ITPR1: variants seen among roughly 807,000 people sequenced by gnomAD.
ITPR1 encodes inositol 1,4,5-trisphosphate-gated calcium channel ITPR1.
In ITPR1, 96 loss-of-function variants were observed where a neutral mutation model predicts 318.4. That is an observed-to-expected ratio of 0.30 (90% CI 0.26 to 0.36). The LOEUF (loss-of-function observed/expected upper bound fraction) is 0.36. Ranked by LOEUF, ITPR1 falls within the 10% of genes least tolerant of loss-of-function variation. The probability of loss-of-function intolerance (pLI) is 1.00; values close to 1 mark genes in which losing one functional copy is unlikely to be tolerated. For missense variants in ITPR1, 2,440 were observed against 3,460.2 expected, an observed-to-expected ratio of 0.71 and a Z score of 7.40; for synonymous variants, 1,312 against 1,289.9, an observed-to-expected ratio of 1.02 and a Z score of -0.37.
chr3:4,806,068 C>T (rs375776534), intron 54 of ITPR1, 35 bp from the exon 55 acceptor site: 1 of 1,585,062 alleles, frequency 6.3e-7, no homozygotes, highest in African/African-American at 1.3e-5. Context: ...TTGGCACAGT[C>T]CGTGCCATCT....
chr3:4,837,014 G>A (rs2050972481), intron 61 of ITPR1, 79 bp downstream of exon 61: 1 of 1,282,864 alleles, frequency 7.8e-7, no homozygotes. Flanking sequence ...CAAATCTGAT[G>A]AGGAAAATCA....
At chr3:4,494,943 G>A (rs1218252937) in intron 2 of ITPR1, among the ~76,000 whole-genome samples, 1 of 152,172 alleles carries the variant, frequency 6.6e-6, no homozygotes, top group Non-Finnish European at 1.5e-5. Context: ...AGGTTGGATT[G>A]CAAGAAATGA....
At position 4,676,886 on chromosome 3, in the gene ITPR1, A is replaced by G. The variant is rs1184036341; in HGVS notation, c.2967+85A>G. The G allele has an allele frequency of 1.5e-5, 16 of 1,067,674 alleles. No homozygotes were observed. The East Asian group carries it at 3.4e-4, about 22-fold the overall frequency. 66.1% of individuals were successfully genotyped at this position (1,067,674 alleles called of 1,614,324 possible). On this transcript the variant is annotated intron_variant, in intron 24 of 61. Transcript: ENST00000649015. ...AGTCCCTCTGTTCTGATGGAGCCCA[A>G]GGCTTTCTGGGAAGAAAATGGGGGC...
At chr3:4,669,547 G>T in intron 18 of ITPR1, 107 bp from the exon 19 acceptor site, 1 of 1,068,024 alleles carries the variant, frequency 9.4e-7, no homozygotes, top group Non-Finnish European at 1.3e-6. Flanking sequence ...CTGCTGACAT[G>T]TCTTGGTAAA....
chr3:4,842,341 G>A (rs2051410009), intron 61 of ITPR1, among the ~76,000 whole-genome samples: 1 of 152,166 alleles, frequency 6.6e-6, no homozygotes, highest in East Asian at 1.9e-4. Context: ...TAGCTACATG[G>A]GAATTTTGAG....
At chr3:4,768,476 T>A in intron 45 of ITPR1, 35 bp from the exon 46 acceptor site, 1 of 1,571,366 alleles carries the variant, frequency 6.4e-7, no homozygotes. Flanking sequence ...CCATGAGGAC[T>A]CTGCAGCCTT....
At chr3:4,762,466 C>T (rs1220290750) in intron 44 of ITPR1, among the ~76,000 whole-genome samples, 2 of 152,166 alleles carry the variant, frequency 1.3e-5, no homozygotes, top group East Asian at 1.9e-4. Flanking sequence ...AGATCCAGGC[C>T]TTTCTGACTC....
At chr3:4,516,018 T>C (rs1403123641) in intron 2 of ITPR1, among the ~76,000 whole-genome samples, 1 of 152,272 alleles carries the variant, frequency 6.6e-6, no homozygotes. Context: ...CCAGGCACTG[T>C]GGCCTTGCCA....
chr3:4,836,588 G>T (rs926900891), intron 60 of ITPR1, among the ~76,000 whole-genome samples, 186 bp from the exon 61 acceptor site: 8 of 151,900 alleles, frequency 5.3e-5, no homozygotes, highest in Non-Finnish European at 1.0e-4. Flanking sequence ...GAGTTCCATT[G>T]TATGCAATTA....
chr3:4,592,432 G>A (rs1157674408), intron 4 of ITPR1, among the ~76,000 whole-genome samples: 2 of 151,988 alleles, frequency 1.3e-5, no homozygotes, highest in African/African-American at 4.8e-5. Flanking sequence ...TTCTCTTTAG[G>A]CAGAGTGATT....
intron 2 of ITPR1, among the ~76,000 whole-genome samples, chr3:4,495,163 G>T (rs1166678856): frequency 6.6e-6 from 1 of 152,006 alleles, no homozygotes; most frequent in Admixed American, 6.6e-5. Context: ...CCCCAAAATG[G>T]TCAGACTGCA....
intron 30 of ITPR1, among the ~76,000 whole-genome samples, chr3:4,686,802 G>C (rs2094402609): frequency 6.6e-6 from 1 of 152,206 alleles, no homozygotes; most frequent in Admixed American, 6.5e-5. Flanking sequence ...TTGTGCACCA[G>C]CAGATTCCTT....
At chr3:4,803,235 C>T (rs1024245125) in intron 54 of ITPR1, among the ~76,000 whole-genome samples, 2 of 152,192 alleles carry the variant, frequency 1.3e-5, no homozygotes, top group Admixed American at 6.5e-5. Flanking sequence ...TCACCTCCCC[C>T]CAGGCCCCAC....
chr3:4,795,047 T>C lies in ITPR1; in HGVS notation c.6809-18T>C. The C allele has an allele frequency of 6.3e-7, 1 of 1,592,072 alleles. No individual in the cohort carries two copies. The highest frequency in any genetic ancestry group is 1.1e-5 in the South Asian group (1 of 88,250). On this transcript the variant is annotated intron_variant, in intron 52 of 61. Transcript: ENST00000649015. Reference sequence around the variant, plus strand: ...TTGGGGTCTCCAGCCTCACGCGGCTTTGCCTTTGTCTCTGCAGCCCAGCCC... The same window carrying C: ...TTGGGGTCTCCAGCCTCACGCGGCTCTGCCTTTGTCTCTGCAGCCCAGCCC...
chr3:4,834,548 G>A (rs1320323526), intron 60 of ITPR1, among the ~76,000 whole-genome samples: 1 of 152,094 alleles, frequency 6.6e-6, no homozygotes, highest in Non-Finnish European at 1.5e-5. Context: ...CGCCCTAGTG[G>A]GAGTGAGTGA....
chr3:4,514,475 G>A (rs749524663), intron 2 of ITPR1, among the ~76,000 whole-genome samples: 1 of 152,130 alleles, frequency 6.6e-6, no homozygotes, highest in Non-Finnish European at 1.5e-5. Flanking sequence ...TTAAGGGCCT[G>A]GAATCTTTCA....
At chr3:4,653,213 T>G (rs1201474411) in intron 11 of ITPR1, among the ~76,000 whole-genome samples, 1 of 152,162 alleles carries the variant, frequency 6.6e-6, no homozygotes, top group African/African-American at 2.4e-5. Flanking sequence ...ATGAGACTAC[T>G]GAGAGATTTC....
At chr3:4,627,665 T>C in intron 4 of ITPR1, 98 bp from the exon 5 acceptor site, 1 of 737,010 alleles carries the variant, frequency 1.4e-6, no homozygotes, top group Non-Finnish European at 2.4e-6. Context: ...ATGATGTAAT[T>C]TTATGTAATT....
intron 46 of ITPR1, among the ~76,000 whole-genome samples, chr3:4,773,243 G>A (rs1354652754): frequency 1.3e-5 from 2 of 152,228 alleles, no homozygotes; most frequent in Non-Finnish European, 2.9e-5. Flanking sequence ...CATTCAGGGT[G>A]GAGGCCTCGA....
Sources: gnomAD v4.1 joint callset for allele counts (sites outside exome capture counted in the v4.1 genomes callset) on GRCh38, gnomAD v4.1.1 for gene constraint, MANE v1.5 for transcripts, NCBI Gene and HGNC (gene_info 2026-07-23, HGNC 2026-07-21) for gene names.